SND1: variants seen among roughly 807,000 people sequenced by gnomAD.
SND1 encodes staphylococcal nuclease domain-containing protein 1.
In SND1, 38 loss-of-function variants were observed where a neutral mutation model predicts 121.7. The ratio of observed to expected loss-of-function variants is 0.31; its 90% CI spans 0.24 to 0.41. The LOEUF (loss-of-function observed/expected upper bound fraction) is 0.41, where lower values mean the gene tolerates loss of function less well. Ranked by LOEUF, SND1 falls within the 10% of genes least tolerant of loss-of-function variation. SND1 has a pLI of 1.00. For synonymous variants in SND1, 401 were observed against 447.4 expected, an observed-to-expected ratio of 0.90 and a Z score of 1.31; for missense variants, 868 against 1,184.6, an observed-to-expected ratio of 0.73 and a Z score of 3.92.
chr7:127,772,034 A>G (rs1797521018), intron 10 of SND1, among the ~76,000 whole-genome samples: 1 of 152,208 alleles, frequency 6.6e-6, no homozygotes, highest in African/African-American at 2.4e-5. Flanking sequence ...TGGGTGATAG[A>G]AAAGACGCTA....
At chr7:127,706,993 T>C (rs1357272244) in intron 8 of SND1, among the ~76,000 whole-genome samples, 1 of 152,232 alleles carries the variant, frequency 6.6e-6, no homozygotes, top group Non-Finnish European at 1.5e-5. Context: ...TTCCTACTCA[T>C]AGTCTGGCTC....
At chr7:127,707,454 A>G (rs1226170327) in intron 8 of SND1, 103 bp from the exon 9 acceptor site, 2 of 819,396 alleles carry the variant, frequency 2.4e-6, no homozygotes, top group Non-Finnish European at 4.2e-6. Context: ...TTCTGGATAC[A>G]TCTATAGGGT....
chr7:127,819,433 A>C (rs2116600891), intron 11 of SND1, among the ~76,000 whole-genome samples: 1 of 152,380 alleles, frequency 6.6e-6, no homozygotes, highest in Non-Finnish European at 1.5e-5. Context: ...TAAGGTATCC[A>C]GAAAGACTCA....
At chr7:127,974,254 A>G (rs1253514406) in intron 15 of SND1, among the ~76,000 whole-genome samples, 1 of 152,222 alleles carries the variant, frequency 6.6e-6, no homozygotes, top group Non-Finnish European at 1.5e-5. Context: ...CAGCTAGAAT[A>G]TTGGTGAAGA....
At chr7:127,836,900 T>TA (rs562488309) in intron 11 of SND1, among the ~76,000 whole-genome samples, 1,997 of 152,290 alleles carry the variant, frequency 0.013, 28 homozygotes, top group South Asian at 0.048. Flanking sequence ...AACTACTGAA[T>TA]AGAATATATT....
intron 12 of SND1, among the ~76,000 whole-genome samples, chr7:127,851,093 T>C (rs1799158025): frequency 6.6e-6 from 1 of 152,240 alleles, no homozygotes; most frequent in African/African-American, 2.4e-5. Context: ...CAGATTACTT[T>C]ATTACCATCA....
chr7:127,894,260 A>G (rs1800073551), intron 13 of SND1, among the ~76,000 whole-genome samples: 2 of 152,050 alleles, frequency 1.3e-5, no homozygotes, highest in Non-Finnish European at 1.5e-5. Flanking sequence ...AAGAGCTTCC[A>G]CTGGGAAGGA....
rs60735590 is a variant in SND1 at position 128,001,871 on chromosome 7, C to T, written c.1779+10815C>T. On this transcript the variant is annotated intron_variant, in intron 16 of 23. Transcript: ENST00000354725. ...ACTTGAACCCAGGAGGCGGAGGTTG[C>T]GGTGAGCCAAGATCGCACCACTGCA... 5.5e-4 allele frequency among the ~76,000 whole-genome samples: 83 copies of T among 152,264 alleles called. 1 individual carries two copies. The East Asian group carries it at 0.014, about 26-fold the overall frequency.
chr7:127,808,461 G>A lies in SND1; in HGVS notation c.1242+888G>A, dbSNP rs192191767. ...ATTACAGGCATGGGCCACTGCACCC[G>A]GCCTTGTGACAGGTTTAATAAGCCT... On this transcript the variant is annotated intron_variant, in intron 11 of 23. Transcript: ENST00000354725. Among the ~76,000 whole-genome samples, 22 of 152,210 alleles carry A rather than the reference G, an allele frequency of 1.4e-4. No individual in the cohort carries two copies. The East Asian group carries it at 2.1e-3, about 15-fold the overall frequency.
At chr7:127,964,551 G>T (rs1469582069) in intron 15 of SND1, among the ~76,000 whole-genome samples, 1 of 151,758 alleles carries the variant, frequency 6.6e-6, no homozygotes, top group Non-Finnish European at 1.5e-5. Context: ...GTTTGTCAAA[G>T]ATCAGATAGT....
At chr7:127,834,793 A>G (rs1379332603) in intron 11 of SND1, among the ~76,000 whole-genome samples, 1 of 152,198 alleles carries the variant, frequency 6.6e-6, no homozygotes, top group East Asian at 1.9e-4. Context: ...TGACATCATT[A>G]TATACATCCT....
chr7:127,762,859 G>A (rs909096058), intron 10 of SND1, among the ~76,000 whole-genome samples: 1 of 152,182 alleles, frequency 6.6e-6, no homozygotes, highest in Non-Finnish European at 1.5e-5. Flanking sequence ...AATTGTATAT[G>A]CAATGGCATC....
At chr7:128,008,277 C>T (rs1382772882) in intron 16 of SND1, 1 of 152,172 alleles carries the variant, frequency 6.6e-6, no homozygotes, top group Non-Finnish European at 1.5e-5. Context: ...AAGATAACTG[C>T]ACACAGATTG....
intron 15 of SND1, among the ~76,000 whole-genome samples, chr7:127,944,967 A>G (rs142768994): frequency 1.9e-3 from 282 of 152,292 alleles, no homozygotes; most frequent in African/African-American, 6.3e-3. Flanking sequence ...AACAGCCTCA[A>G]TTAACTGCCA....
intron 21 of SND1, among the ~76,000 whole-genome samples, chr7:128,087,723 A>C (rs532024478): frequency 7.2e-5 from 11 of 152,302 alleles, no homozygotes; most frequent in Admixed American, 4.6e-4. Context: ...TGCGGTGTAC[A>C]AGATTGCCCA....
chr7:127,897,292 T>C (rs1800140170), intron 13 of SND1, among the ~76,000 whole-genome samples: 1 of 152,134 alleles, frequency 6.6e-6, no homozygotes, highest in African/African-American at 2.4e-5. Flanking sequence ...TAGCTCACAT[T>C]GGAAAACCAT....
intron 16 of SND1, among the ~76,000 whole-genome samples, chr7:127,991,387 C>T (rs1212319267): frequency 6.6e-6 from 1 of 152,190 alleles, no homozygotes; most frequent in East Asian, 1.9e-4. Flanking sequence ...GATTTAGAAG[C>T]TTGACTAACC....
chr7:127,852,501 A>G (rs940492513), intron 12 of SND1, among the ~76,000 whole-genome samples: 8 of 151,232 alleles, frequency 5.3e-5, no homozygotes, highest in Non-Finnish European at 8.8e-5. Context: ...AAAAAAAAAA[A>G]AAAAAAGAAA....
At chr7:127,964,104 T>G (rs1015638440) in intron 15 of SND1, among the ~76,000 whole-genome samples, 25 of 149,008 alleles carry the variant, frequency 1.7e-4, no homozygotes, top group Non-Finnish European at 3.0e-4. Flanking sequence ...TGGGGTTGTT[T>G]GTTTTTTTCT....
Sources: gnomAD v4.1 joint callset for allele counts (sites outside exome capture counted in the v4.1 genomes callset) on GRCh38, gnomAD v4.1.1 for gene constraint, MANE v1.5 for transcripts, NCBI Gene and HGNC (gene_info 2026-07-23, HGNC 2026-07-21) for gene names.